C16orf46: variants seen among roughly 807,000 people sequenced by gnomAD.
The protein encoded by C16orf46 is uncharacterized protein C16orf46.
C16orf46 carries 7 observed loss-of-function variants against 5.5 expected under a neutral mutation model. That is an observed-to-expected ratio of 1.28 (90% CI 0.73 to 2.40). The LOEUF is 2.40. Ranked by LOEUF, C16orf46 falls within the 30% of genes most tolerant of loss-of-function variation. The pLI is 0.00. For missense variants in C16orf46, 614 were observed against 476.0 expected, an observed-to-expected ratio of 1.29 and a Z score of -2.70; for synonymous variants, 200 against 184.1, an observed-to-expected ratio of 1.09 and a Z score of -0.70.
At position 81,061,865 on chromosome 16, in the gene C16orf46, T is replaced by A; in HGVS notation, c.484A>T (p.Ser162Cys). The stretch of plus-strand genomic sequence containing the variant: ...CAAATAAACTCCTTGATTTGCAGAC[T>A]TTTTTTCTCTGCTCGAAAGTAGGTG... ...FPTYFRAEKK[S>C]LQIKEFIWCN... The change falls in exon 4 of 4, where the codon AGT (serine) becomes TGT (cysteine). Residue 162 changes from serine to cysteine, a missense_variant. Coordinates refer to ENST00000299578, the MANE Select transcript of C16orf46 (RefSeq NM_152337.3). The A allele has an allele frequency of 1.2e-6, 2 of 1,614,124 alleles. No individual in the cohort carries two copies. Among genetic ancestry groups the A allele is most frequent in the Non-Finnish European group, 1.7e-6 (2 of 1,180,006 alleles).
rs1241905114 is a variant in C16orf46, at chr16:81,054,291, C to A, written c.1144-197G>T. Among the ~76,000 whole-genome samples, 55 of 148,820 alleles carry A rather than the reference C, an allele frequency of 3.7e-4. No individual in the cohort carries two copies. The highest frequency in any genetic ancestry group is 1.3e-3 in the South Asian group (6 of 4,710). ...CAACAACAACAACAACAAAAAAAAA[C>A]AACAAAAATAAAAAACTTTTTTCTT... On this transcript the variant is annotated intron_variant, in intron 3 of 3. Coordinates refer to the C16orf46 transcript ENST00000378611.
intron 1 of C16orf46, among the ~76,000 whole-genome samples, chr16:81,074,751 C>A (rs1209708543): frequency 6.6e-6 from 1 of 151,314 alleles, no homozygotes; most frequent in African/African-American, 2.4e-5. Flanking sequence ...TTTTTTTTCA[C>A]ATGAATGGCT....
chr16:81,071,147 A>C (rs804901), intron 1 of C16orf46, among the ~76,000 whole-genome samples: 146,833 of 152,206 alleles, frequency 0.96, 71,033 homozygotes, highest in Middle Eastern at 1. Context: ...GAGACTCTGT[A>C]CAGCCCCACT....
Position 81,062,007 on chromosome 16 carries a change from C to T in C16orf46, c.342G>A (p.Gln114=). ...VCVNLSHWSL[Q]TKPPTEGGPE... ...GGCCCCCCTCAGTAGGAGGCTTGGTCTGGAGGCTCCAGTGGGAGAGGTTAA... is the reference window on the plus strand; with the variant it reads ...GGCCCCCCTCAGTAGGAGGCTTGGTTTGGAGGCTCCAGTGGGAGAGGTTAA... Residue 114 remains glutamine (Q), a synonymous_variant, in exon 4 of 4, where the codon CAG becomes CAA. Coordinates refer to ENST00000299578, the MANE Select transcript of C16orf46 (RefSeq NM_152337.3). The T allele has an allele frequency of 6.2e-7, 1 of 1,614,042 alleles. No individual in the cohort carries two copies.
rs1309736894 is a variant in C16orf46 at position 81,063,950 on chromosome 16, A to T, written c.6T>A (p.Asp2Glu). 5.0e-6 allele frequency: 8 copies of T among 1,610,272 alleles called. No individual in the cohort carries two copies. The highest frequency in any genetic ancestry group is 6.8e-6 in the Non-Finnish European group (8 of 1,177,650). The change falls in exon 3 of 4, where the codon GAT (aspartate) becomes GAA (glutamate). Residue 2 changes from aspartate (D) to glutamate (E), a missense_variant. Asp to Glu is a conservative substitution (Grantham distance 45). Coordinates refer to ENST00000299578, the MANE Select transcript of C16orf46 (RefSeq NM_152337.3). ...AGTCAGTCTCATTTTTCTGACAGAG[A>T]TCCATTACTGTGATGCTTGCTTAAA... M[D>E]LCQKNETDLE...
At chr16:81,053,802 A>G (rs1971213755) in exon 4 of C16orf46, 1 of 361,550 alleles carries the variant, frequency 2.8e-6, no homozygotes, top group Non-Finnish European at 4.9e-6. Context: ...TGTTATTTTC[A>G]AAAGTACATA....
chr16:81,055,048 A>G (rs1335655741), intron 3 of C16orf46, among the ~76,000 whole-genome samples: 1 of 152,238 alleles, frequency 6.6e-6, no homozygotes, highest in African/African-American at 2.4e-5. Flanking sequence ...CTAAATAACT[A>G]CCATAATGCC....
Position 81,061,727 on chromosome 16 carries a change from G to A in C16orf46, c.622C>T (p.Leu208Phe). The A allele has an allele frequency of 1.9e-6, 3 of 1,614,022 alleles. No individual in the cohort carries two copies. Among genetic ancestry groups the A allele is most frequent in the South Asian group, 2.2e-5 (2 of 91,092 alleles). ...SIPGPLTSRA[L>F]LVLPPLKASL... ...GCCTTCAGGGGAGGCAGAACTAGGA[G>A]GGCCCTGGAAGTCAGGGGGCCTGGG... The change falls in exon 4 of 4, where the codon CTC becomes TTC. Residue 208 changes from leucine to phenylalanine, a missense_variant. Transcript: ENST00000299578.
Position 81,061,046 on chromosome 16 carries a change from T to C in C16orf46, c.*115A>G. 1 of 1,400,638 alleles carries C rather than the reference T, an allele frequency of 7.1e-7. No individual in the cohort carries two copies. The highest frequency in any genetic ancestry group is 9.3e-7 in the Non-Finnish European group (1 of 1,078,920). 86.8% of individuals were successfully genotyped at this position (1,400,638 alleles called of 1,614,324 possible). A position where few individuals can be genotyped will look rare whatever the true frequency, so the allele number is the denominator to read the frequency against. Reference sequence around the variant, plus strand: ...GAGGAAAAGAAGAGTAAAGACAGACTGACGGGGAGGAGAGAAAGAGAGAGT... The same window carrying C: ...GAGGAAAAGAAGAGTAAAGACAGACCGACGGGGAGGAGAGAAAGAGAGAGT... On this transcript the variant is annotated 3_prime_UTR_variant, in exon 4 of 4. Coordinates refer to ENST00000299578, the MANE Select transcript of C16orf46 (RefSeq NM_152337.3).
chr16:81,071,589 T>G (rs1480832044), intron 1 of C16orf46, among the ~76,000 whole-genome samples: 3 of 151,892 alleles, frequency 2.0e-5, no homozygotes, highest in Non-Finnish European at 4.4e-5. Context: ...ACTAGAAAAT[T>G]TTTTTTAATG....
chr16:81,071,068 C>A (rs1260435705), intron 1 of C16orf46, among the ~76,000 whole-genome samples: 1 of 152,150 alleles, frequency 6.6e-6, no homozygotes, highest in Non-Finnish European at 1.5e-5. Flanking sequence ...TGTGGACATA[C>A]TTGTTCCTGG....
At chr16:81,057,020 G>A (rs570828467), downstream of C16orf46, among the ~76,000 whole-genome samples, 5 of 152,188 alleles carry the variant, frequency 3.3e-5, no homozygotes, top group South Asian at 2.1e-4. Flanking sequence ...TACATTTTTC[G>A]TTGTCATGAC....
In C16orf46 at chr16:81,061,483, GA is replaced by G. The variant is rs760017648; in HGVS notation, c.865del (p.Ser289ProfsTer3). 3.1e-6 allele frequency: 5 copies of G among 1,614,198 alleles called. No individual in the cohort carries two copies. In the Admixed American group the frequency reaches 8.3e-5, roughly 27 times the overall value. ...PSSPSPAAQI[S>X]LLTDPEQRCL... ...GCGCTGCTCCGGATCGGTCAGCAGG[GA>G]TATCTGGGCCGCTGGGGAAGGGGAG... On this transcript the variant is annotated frameshift_variant, in exon 4 of 4. Transcript: ENST00000299578. LOFTEE classifies it low-confidence loss of function (END_TRUNC).
intron 2 of C16orf46, among the ~76,000 whole-genome samples, chr16:81,065,358 C>G (rs530612992): frequency 2.2e-4 from 33 of 151,562 alleles, no homozygotes; most frequent in African/African-American, 7.5e-4. Flanking sequence ...CCTGTAGTCC[C>G]GGCTACTCAG....
At chr16:81,071,135 G>C (rs1356180597) in intron 1 of C16orf46, among the ~76,000 whole-genome samples, 2 of 152,080 alleles carry the variant, frequency 1.3e-5, no homozygotes, top group African/African-American at 4.8e-5. Flanking sequence ...TTCTGACCTC[G>C]TGAGACTCTG....
At chr16:81,064,683 G>A (rs1201167733) in intron 2 of C16orf46, among the ~76,000 whole-genome samples, 1 of 151,822 alleles carries the variant, frequency 6.6e-6, no homozygotes, top group Non-Finnish European at 1.5e-5. Flanking sequence ...GGAGGTGGAG[G>A]TTGCAGTGAG....
downstream of C16orf46, among the ~76,000 whole-genome samples, chr16:81,057,039 G>C (rs927399315): frequency 6.6e-6 from 1 of 152,090 alleles, no homozygotes; most frequent in Non-Finnish European, 1.5e-5. Context: ...ACTGGGGATG[G>C]TATTGGCATC....
chr16:81,067,607 C>A lies in C16orf46; in HGVS notation c.-127-1326G>T, dbSNP rs183029852. On this transcript the variant is annotated intron_variant, in intron 1 of 3. Coordinates refer to ENST00000299578, the MANE Select transcript of C16orf46 (RefSeq NM_152337.3). ...TCGCTCTGTTGCCCAGGTTGGAGTACAATGGTGTGATCTCGGATCACTGCA... is the reference window on the plus strand; with the variant it reads ...TCGCTCTGTTGCCCAGGTTGGAGTAAAATGGTGTGATCTCGGATCACTGCA... Among the ~76,000 whole-genome samples the A allele has an allele frequency of 2.0e-3, 310 of 152,240 alleles. 1 individual carries two copies. The highest frequency in any genetic ancestry group is 3.2e-3 in the Non-Finnish European group (216 of 68,028).
rs146937896 is a variant in C16orf46, at chr16:81,061,773, C to A, written c.576G>T (p.Gly192=). Residue 192 remains glycine (G), a synonymous_variant, in exon 4 of 4, where the codon GGG becomes GGT. Transcript: ENST00000299578. ...RGKASGNPSG[G]AHRGLSIPGP... is the part of the protein sequence containing the mutation. The stretch of plus-strand genomic sequence containing the variant: ...CTGGGATGGACAGCCCTCTGTGGGC[C>A]CCTCCACTGGGATTCCCAGAGGCCT... The A allele has an allele frequency of 1.2e-6, 2 of 1,613,836 alleles. No individual in the cohort carries two copies. The highest frequency in any genetic ancestry group is 1.7e-6 in the Non-Finnish European group (2 of 1,179,904).
Sources: allele counts gnomAD v4.1 joint callset (sites outside exome capture counted in the v4.1 genomes callset), GRCh38; gene constraint gnomAD v4.1.1; transcripts MANE v1.5; gene names NCBI Gene and HGNC (gene_info 2026-07-23, HGNC 2026-07-21).